The following ALOX5 variants were observed in gnomAD, a reference collection of about 807,000 sequenced individuals.
The protein encoded by ALOX5 is arachidonate 5-lipoxygenase, also known as polyunsaturated fatty acid 5-lipoxygenase.
ALOX5 carries 64 observed loss-of-function variants against 87.9 expected under a neutral mutation model. That is an observed-to-expected ratio of 0.73 (90% CI 0.60 to 0.90). ALOX5 has a LOEUF of 0.90. Among genes scored for constraint, ALOX5 ranks in the 40% least tolerant of loss-of-function variants. The pLI is 0.00. For synonymous variants in ALOX5, 388 were observed against 355.1 expected (o/e 1.09, Z -1.04); for missense variants, 822 against 907.5 (o/e 0.91, Z 1.21).
intron 2 of ALOX5, among the ~76,000 whole-genome samples, chr10:45,387,430 A>T (rs1161938830): frequency 6.6e-6 from 1 of 152,188 alleles, no homozygotes; most frequent in Non-Finnish European, 1.5e-5. Flanking sequence ...TCAGTATAAG[A>T]ATTTCAGAGA....
chr10:45,393,448 G>A (rs1406932331), intron 2 of ALOX5, among the ~76,000 whole-genome samples: 15 of 152,176 alleles, frequency 9.9e-5, no homozygotes, highest in South Asian at 2.1e-4. Context: ...TTGATGGGAC[G>A]TATCTCAAAA....
chr10:45,382,454 A>C, intron 1 of ALOX5, 29 bp from the exon 2 acceptor site: 2 of 1,613,776 alleles, frequency 1.2e-6, no homozygotes, highest in Non-Finnish European at 1.7e-6. Context: ...GAGACCACGC[A>C]TGGCCTGATT....
Position 45,445,571 on chromosome 10 carries a change from C to G in ALOX5, c.1909C>G (p.Arg637Gly). The change falls in exon 14 of 14, where the codon CGA (arginine) becomes GGA (glycine). Residue 637 changes from arginine (R) to glycine (G), a missense_variant. By Grantham distance (125) the Arg-to-Gly change is moderately radical (BLOSUM62 -2). Transcript: ENST00000374391. ...IEKPVKEAMA[R>G]FRKNLEAIVS... ...GAAGCCTGTGAAGGAAGCCATGGCC[C>G]GATTCCGCAAGAACCTCGAGGCCAT... The G allele has an allele frequency of 6.2e-7, 1 of 1,614,132 alleles. No homozygotes were observed. The highest frequency in any genetic ancestry group is 2.2e-5 in the East Asian group (1 of 44,874).
intron 4 of ALOX5, among the ~76,000 whole-genome samples, chr10:45,420,012 C>G (rs1282223960): frequency 6.6e-6 from 1 of 152,164 alleles, no homozygotes; most frequent in Admixed American, 6.5e-5. Flanking sequence ...AAGACCACAT[C>G]CCCTCTTATC....
chr10:45,428,845 C>T, intron 7 of ALOX5, 81 bp downstream of exon 7: 13 of 1,542,312 alleles, frequency 8.4e-6, no homozygotes, highest in Non-Finnish European at 1.1e-5. Context: ...ATTCACACTC[C>T]AGCTGAGGAA....
chr10:45,381,252 A>G (rs1839816739), intron 1 of ALOX5, among the ~76,000 whole-genome samples: 1 of 152,238 alleles, frequency 6.6e-6, no homozygotes, highest in Non-Finnish European at 1.5e-5. Context: ...CAGTAATGCC[A>G]CAGGTGCAGC....
rs35877893 is a variant in ALOX5 at position 45,432,360 on chromosome 10, T to TA, written c.981+3613dup. 4.2e-3 allele frequency among the ~76,000 whole-genome samples: 557 copies of TA among 132,972 alleles called. 2 individuals are homozygous for TA. The highest frequency in any genetic ancestry group is 7.7e-3 in the East Asian group (36 of 4,664). The allele number at this position is 132,972 out of a possible 152,430, so 87.2% of individuals were successfully genotyped here. A position where few individuals can be genotyped will look rare whatever the true frequency, so the allele number is the denominator to read the frequency against. ...GGGCAACAGAGTAAGACCCTATCTT[T>TA]AAAAAAAAAAAAAAAAAGTAAAAGA... On this transcript the variant is annotated intron_variant, in intron 7 of 13. Transcript: ENST00000374391.
intron 2 of ALOX5, among the ~76,000 whole-genome samples, chr10:45,392,895 T>C (rs908405735): frequency 1.3e-5 from 2 of 152,086 alleles, no homozygotes; most frequent in African/African-American, 2.4e-5. Flanking sequence ...CTCCCAAGAC[T>C]AAACCAGGAA....
intron 1 of ALOX5, among the ~76,000 whole-genome samples, chr10:45,375,196 C>A (rs944817717): frequency 5.9e-5 from 9 of 152,204 alleles, no homozygotes; most frequent in African/African-American, 2.2e-4. Flanking sequence ...TCCCTCCCAG[C>A]AGAATGTACA....
rs548943389 is a variant in ALOX5 at position 45,420,829 on chromosome 10, C to T, written c.555-3212C>T. 4.6e-5 allele frequency among the ~76,000 whole-genome samples: 7 copies of T among 152,344 alleles called. No individual in the cohort carries two copies. In the South Asian group the frequency reaches 1.4e-3, roughly 32 times the overall value. Reference sequence around the variant, plus strand: ...AGCAGGGAGACAGAGGTTAGGTGAACCTCAATGGCCTCATTAAAGCAAATT... The same window carrying T: ...AGCAGGGAGACAGAGGTTAGGTGAATCTCAATGGCCTCATTAAAGCAAATT... On this transcript the variant is annotated intron_variant, in intron 4 of 13. Coordinates refer to ENST00000374391, the MANE Select transcript of ALOX5 (RefSeq NM_000698.5).
intron 1 of ALOX5, among the ~76,000 whole-genome samples, 183 bp downstream of exon 1, chr10:45,374,612 G>C (rs1342696928): frequency 6.6e-6 from 1 of 152,206 alleles, no homozygotes; most frequent in Non-Finnish European, 1.5e-5. Flanking sequence ...GCTCCCAGTG[G>C]CCGGTGGGTA....
chr10:45,410,627 T>C (rs1841033174), intron 3 of ALOX5, among the ~76,000 whole-genome samples: 1 of 152,204 alleles, frequency 6.6e-6, no homozygotes, highest in African/African-American at 2.4e-5. Flanking sequence ...CAGGACTTTT[T>C]TAAGACCCAA....
At position 45,445,714 on chromosome 10, in the gene ALOX5, G is replaced by A. The variant is rs902591168; in HGVS notation, c.*27G>A. The A allele has an allele frequency of 3.1e-6, 5 of 1,593,076 alleles. No individual in the cohort carries two copies. In the Admixed American group the frequency reaches 6.7e-5, roughly 21 times the overall value. On this transcript the variant is annotated 3_prime_UTR_variant, in exon 14 of 14. Transcript: ENST00000374391. ...CACACTGCCAGTCTCACTGTGGGAA[G>A]GCCAGCTGCCCCAGCCAGATGGACT...
chr10:45,384,833 C>T (rs1839957145), intron 2 of ALOX5, among the ~76,000 whole-genome samples: 1 of 149,242 alleles, frequency 6.7e-6, no homozygotes, highest in Non-Finnish European at 1.5e-5. Flanking sequence ...AATTTGTGGC[C>T]TATTATTATT....
chr10:45,443,121 C>G lies in ALOX5; in HGVS notation c.1356C>G (p.Pro452=). ...KDLTYASLCF[P]EAIKARGMES... ...TGACCTATGCCTCCCTGTGCTTTCC[C>G]GAGGCCATCAAGGCCCGGGGCATGG... is the stretch of plus-strand genomic sequence containing the variant. Residue 452 remains proline, a synonymous_variant, in exon 10 of 14, where the codon CCC becomes CCG. Coordinates refer to ENST00000374391, the MANE Select transcript of ALOX5 (RefSeq NM_000698.5). The G allele has an allele frequency of 6.2e-7, 1 of 1,613,826 alleles. No individual in the cohort carries two copies. Among genetic ancestry groups the G allele is most frequent in the Non-Finnish European group, 8.5e-7 (1 of 1,180,008 alleles).
At chr10:45,438,182 T>G (rs1008391806) in intron 7 of ALOX5, among the ~76,000 whole-genome samples, 9 of 152,044 alleles carry the variant, frequency 5.9e-5, no homozygotes, top group African/African-American at 2.2e-4. Flanking sequence ...GCCTAATTGC[T>G]CTGACTAGGA....
At chr10:45,418,487 G>C (rs1332600271) in intron 4 of ALOX5, among the ~76,000 whole-genome samples, 1 of 152,308 alleles carries the variant, frequency 6.6e-6, no homozygotes, top group South Asian at 2.1e-4. Context: ...CTCTGGGACC[G>C]CGTCTCCACC....
At chr10:45,386,435 T>C (rs1001799254) in intron 2 of ALOX5, among the ~76,000 whole-genome samples, 22 of 151,882 alleles carry the variant, frequency 1.4e-4, no homozygotes, top group African/African-American at 5.3e-4. Flanking sequence ...CACTGCACTC[T>C]AGCCTGGGAG....
intron 4 of ALOX5, among the ~76,000 whole-genome samples, chr10:45,422,410 A>AGAGCACTGGGTCCTGGCC: frequency 6.6e-6 from 1 of 152,276 alleles, no homozygotes; most frequent in South Asian, 2.1e-4. Context: ...GGGTCCAGGC[A>AGAGCACTGGGTCCTGGCC]GAGCACTGGG....
Sources: allele counts gnomAD v4.1 joint callset (sites outside exome capture counted in the v4.1 genomes callset), GRCh38; gene constraint gnomAD v4.1.1; transcripts MANE v1.5; gene names NCBI Gene and HGNC (gene_info 2026-07-23, HGNC 2026-07-21).